P4HTM: variants seen among roughly 807,000 people sequenced by gnomAD.
P4HTM encodes the protein transmembrane prolyl 4-hydroxylase.
A neutral mutation model predicts 55.3 loss-of-function variants in P4HTM; 33 were observed. The ratio of observed to expected loss-of-function variants is 0.60; its 90% confidence interval spans 0.45 to 0.80. The LOEUF (loss-of-function observed/expected upper bound fraction) is 0.80, where lower values mean the gene tolerates loss of function less well. P4HTM is among the 30% of genes least tolerant of loss of function. P4HTM has a pLI of 0.00. For missense variants in P4HTM, 542 were observed against 696.5 expected (o/e 0.78, Z 2.50); for synonymous variants, 272 against 286.4 (o/e 0.95, Z 0.51).
chr3:48,990,263 G>GCAGCGGCGGTGACAGGC lies in P4HTM; in HGVS notation c.15_31dup (p.Pro11ArgfsTer2). 2.5e-6 allele frequency: 3 copies of GCAGCGGCGGTGACAGGC among 1,212,222 alleles called. No homozygotes were observed. The highest frequency in any genetic ancestry group is 3.1e-6 in the Non-Finnish European group (3 of 975,966). The allele number at this position is 1,212,222 out of a possible 1,614,324, so 75.1% of individuals were successfully genotyped here. A position where few individuals can be genotyped will look rare whatever the true frequency, so the allele number is the denominator to read the frequency against. On this transcript the variant is annotated frameshift_variant, in exon 1 of 9. Coordinates refer to ENST00000383729, the MANE Select transcript of P4HTM (RefSeq NM_177939.3). LOFTEE classifies it high-confidence loss of function. This position sits in a 1 kb window ranked among gnomAD's most constrained non-coding sequence, Gnocchi z 7.2. ...CGCGCGCGACCTGGGTGCCATGGCG[G>GCAGCGGCGGTGACAGGC]CAGCGGCGGTGACAGGCCAGCGGCC...
chr3:49,004,944 A>G lies in P4HTM; in HGVS notation c.971A>G (p.His324Arg), dbSNP rs928297972. Residue 324 changes from histidine to arginine, a missense_variant, in exon 6 of 9, where the codon CAC becomes CGC. His to Arg is a conservative substitution (Grantham distance 29). Transcript: ENST00000383729. ...LQVVRYGEGGHYHAHVDSGPV... is the reference protein window; with the variant it reads ...LQVVRYGEGGRYHAHVDSGPV... Reference sequence around the variant, plus strand: ...GTTGTTCGATATGGTGAGGGGGGCCACTACCATGCCCACGTGGACAGTGGG... The same window carrying G: ...GTTGTTCGATATGGTGAGGGGGGCCGCTACCATGCCCACGTGGACAGTGGG... 6 of 1,613,974 alleles carry G rather than the reference A, an allele frequency of 3.7e-6. No individual in the cohort carries two copies. The highest frequency in any genetic ancestry group is 1.1e-5 in the South Asian group (1 of 91,086).
chr3:48,993,070 G>A (rs2092935319), intron 2 of P4HTM, among the ~76,000 whole-genome samples: 1 of 152,066 alleles, frequency 6.6e-6, no homozygotes, highest in Admixed American at 6.5e-5. Context: ...TTGGGAGGTC[G>A]AGGCGGGTGG....
In P4HTM at chr3:49,004,267, A is replaced by C. The variant is rs1352265934; in HGVS notation, c.887+7A>C. The C allele has an allele frequency of 2.6e-6, 4 of 1,544,044 alleles. No homozygotes were observed. The highest frequency in any genetic ancestry group is 2.4e-5 in the South Asian group (2 of 83,426). ...TGCGTGCCATCCGCCAGAGGTGAGC[A>C]CCTGAAGCTGTTCTCACTGGAGCAG... On this transcript the variant is annotated splice_region_variant and intron_variant, in intron 5 of 8. Coordinates refer to ENST00000383729, the MANE Select transcript of P4HTM (RefSeq NM_177939.3).
chr3:48,998,361 G>A (rs2092951986), intron 2 of P4HTM: 1 of 152,350 alleles, frequency 6.6e-6, no homozygotes, highest in Admixed American at 6.5e-5. Context: ...GACCCTTTGG[G>A]GGAAAGGGTC....
Position 49,001,380 on chromosome 3 carries a change from C to T in P4HTM, c.437-58C>T. On this transcript the variant is annotated intron_variant, in intron 2 of 8. Coordinates refer to ENST00000383729, the MANE Select transcript of P4HTM (RefSeq NM_177939.3). ...CAGGAACCCTGAAGGGAGGAAGGTA[C>T]TGGGTGCACCAGCGCCCTGGCTCAG... is the stretch of plus-strand genomic sequence containing the variant. The T allele has an allele frequency of 3.9e-6, 6 of 1,537,136 alleles. No individual in the cohort carries two copies. In the South Asian group the frequency reaches 4.5e-5, roughly 11 times the overall value.
chr3:49,004,213 C>T lies in P4HTM; in HGVS notation c.840C>T (p.Leu280=). 3 of 1,549,218 alleles carry T rather than the reference C, an allele frequency of 1.9e-6. No homozygotes were observed. Among genetic ancestry groups the T allele is most frequent in the Non-Finnish European group, 2.6e-6 (3 of 1,146,804 alleles). ...ELVRNSHHTW[L]YQGEGAHHIM... ...TGCGGAACAGCCACCATACCTGGCT[C>T]TACCAGGGTGAGGGTGCCCACCACA... The change falls in exon 5 of 9, where the codon CTC becomes CTT. Residue 280 remains leucine (L), a synonymous_variant. Coordinates refer to ENST00000383729, the MANE Select transcript of P4HTM (RefSeq NM_177939.3).
Position 49,002,114 on chromosome 3 carries a change from G to T in P4HTM, c.628-386G>T, listed in dbSNP as rs1467180550. On this transcript the variant is annotated intron_variant, in intron 3 of 8. Transcript: ENST00000383729. This position sits in a 1 kb window ranked among gnomAD's most constrained non-coding sequence, Gnocchi z 4.4. ...GCCTGGTCTTTCTGAGGGATCTGGT[G>T]GTCATGCCCTAACCAGGTCTCCCCC... is the stretch of plus-strand genomic sequence containing the variant. Among the ~76,000 whole-genome samples the T allele has an allele frequency of 6.6e-6, 1 of 152,192 alleles. No homozygotes were observed. Among genetic ancestry groups the T allele is most frequent in the Non-Finnish European group, 1.5e-5 (1 of 68,022 alleles).
In P4HTM at chr3:49,004,019, G is replaced by A. The variant is rs556832840; in HGVS notation, c.725-79G>A. The A allele has an allele frequency of 2.1e-3, 2,950 of 1,389,390 alleles. 12 individuals are homozygous for A. The highest frequency in any genetic ancestry group is 5.8e-3 in the Middle Eastern group (23 of 3,994). 86.1% of individuals were successfully genotyped at this position (1,389,390 alleles called of 1,614,324 possible). A position where few individuals can be genotyped will look rare whatever the true frequency, so the allele number is the denominator to read the frequency against. ...GTCAGGGGCTGCTGCTGCCTTTGGG[G>A]TAGGTAGGGAAGTGCAGCCTGCCAC... On this transcript the variant is annotated intron_variant, in intron 4 of 8. Coordinates refer to ENST00000383729, the MANE Select transcript of P4HTM (RefSeq NM_177939.3).
chr3:49,004,654 T>A (rs528133915), intron 5 of P4HTM: 8 of 599,370 alleles, frequency 1.3e-5, no homozygotes, highest in Admixed American at 3.0e-5. Flanking sequence ...ACATAGCAGG[T>A]GTCTCTGTCT....
In P4HTM at chr3:49,004,124, A is replaced by G; in HGVS notation, c.751A>G (p.Asn251Asp). The G allele has an allele frequency of 6.4e-7, 1 of 1,556,734 alleles. No individual in the cohort carries two copies. The highest frequency in any genetic ancestry group is 8.7e-7 in the Non-Finnish European group (1 of 1,150,608). The change falls in exon 5 of 9, where the codon AAC (asparagine) becomes GAC (aspartate). Residue 251 changes from asparagine to aspartate, a missense_variant. Asn to Asp is a conservative substitution (Grantham distance 23). This residue lies in a region of P4HTM where 536 missense variants were observed against 672.1 expected (regional missense o/e 0.80). Transcript: ENST00000383729. ...DGVLSLQEFSNMDLRDFHKYM... is the reference protein window; with the variant it reads ...DGVLSLQEFSDMDLRDFHKYM... ...AGTGCTGAGTCTGCAGGAGTTCTCC[A>G]ACATGGACCTTCGGGACTTCCACAA...
At chr3:48,991,072 A>G in intron 2 of P4HTM, 158 bp downstream of exon 2, 1 of 618,530 alleles carries the variant, frequency 1.6e-6, no homozygotes, top group East Asian at 2.8e-5. Flanking sequence ...CGTCCTCGAA[A>G]TAGGGTAACA....
intron 5 of P4HTM, chr3:49,004,559 G>A (rs1055514919): frequency 1.8e-6 from 1 of 553,486 alleles, no homozygotes; most frequent in Middle Eastern, 4.7e-4. Flanking sequence ...GCAGGAAAAG[G>A]GTTTTTAAAT....
In P4HTM at chr3:49,001,677, C is replaced by T. The variant is rs72934780; in HGVS notation, c.627+49C>T. 1,914 of 1,505,454 alleles carry T rather than the reference C, an allele frequency of 1.3e-3. 23 individuals carry two copies. The African/African-American group carries it at 0.022, about 17-fold the overall frequency. The allele number at this position is 1,505,454 out of a possible 1,614,324, so 93.3% of individuals were successfully genotyped here. Reference sequence around the variant, plus strand: ...GGCTCAGGGTGGGAGTGCCCAGAATCACCTTTCTGGTGGCCAGGTCACTTG... The same window carrying T: ...GGCTCAGGGTGGGAGTGCCCAGAATTACCTTTCTGGTGGCCAGGTCACTTG... On this transcript the variant is annotated intron_variant, in intron 3 of 8. Transcript: ENST00000383729.
intron 2 of P4HTM, among the ~76,000 whole-genome samples, chr3:48,993,360 T>A (rs1409925748): frequency 6.6e-6 from 1 of 150,618 alleles, no homozygotes; most frequent in Non-Finnish European, 1.5e-5. Flanking sequence ...TAAAGCCAGA[T>A]GACTGTCAGG....
At chr3:49,000,070 G>A (rs1306038679) in intron 2 of P4HTM, among the ~76,000 whole-genome samples, 1 of 152,168 alleles carries the variant, frequency 6.6e-6, no homozygotes, top group African/African-American at 2.4e-5. Flanking sequence ...AGCAGGCTGG[G>A]TGGCCAGTGG....
At chr3:48,992,956 C>T (rs1166196319) in intron 2 of P4HTM, among the ~76,000 whole-genome samples, 1 of 151,952 alleles carries the variant, frequency 6.6e-6, no homozygotes, top group Non-Finnish European at 1.5e-5. Flanking sequence ...TGTGAACCAC[C>T]ATGCCTGGCT....
At position 49,001,487 on chromosome 3, in the gene P4HTM, G is replaced by A; in HGVS notation, c.486G>A (p.Leu162=). 6.2e-7 allele frequency: 1 copy of A among 1,613,888 alleles called. No individual in the cohort carries two copies. The highest frequency in any genetic ancestry group is 8.5e-7 in the Non-Finnish European group (1 of 1,180,026). ...AAGAGTGTCGGCTCATCATCCATCT[G>A]GCGCAGATGAAGGGGTTACAGCGCA... ...TDEECRLIIH[L]AQMKGLQRSQ... is the part of the protein sequence containing the mutation. Residue 162 remains leucine, a synonymous_variant, in exon 3 of 9, where the codon CTG becomes CTA. Transcript: ENST00000383729.
In P4HTM at chr3:49,002,854, G is replaced by A. The variant is rs1205691219; in HGVS notation, c.724+258G>A. 1.8e-6 allele frequency: 1 copy of A among 548,392 alleles called. No individual in the cohort carries two copies. The highest frequency in any genetic ancestry group is 1.9e-5 in the African/African-American group (1 of 53,234). The allele number at this position is 548,392 out of a possible 1,614,324, so 34.0% of individuals were successfully genotyped here. ...GACCCTTTTGATAACATCAGGCAGA[G>A]TTGAGAGCCTGGGGACAGGAAGTAG... On this transcript the variant is annotated intron_variant, in intron 4 of 8. Transcript: ENST00000383729. This position sits in a 1 kb window ranked among gnomAD's most constrained non-coding sequence, Gnocchi z 4.4.
chr3:49,005,148 C>T (rs1439772796), intron 6 of P4HTM, 102 bp downstream of exon 6: 5 of 1,610,538 alleles, frequency 3.1e-6, no homozygotes, highest in Non-Finnish European at 4.2e-6. Flanking sequence ...GGCATGGGGC[C>T]AGGAGATCAC....
Sources: allele counts gnomAD v4.1 joint callset (sites outside exome capture counted in the v4.1 genomes callset), GRCh38; gene constraint gnomAD v4.1.1; regional missense constraint gnomAD v4.1.1; non-coding constraint Gnocchi (gnomAD v3.1); transcripts MANE v1.5; gene names NCBI Gene and HGNC (gene_info 2026-07-23, HGNC 2026-07-21).